CADPS2: variants seen among roughly 807,000 people sequenced by gnomAD.
The protein encoded by CADPS2 is calcium-dependent secretion activator 2.
A neutral mutation model predicts 172.5 loss-of-function variants in CADPS2; 93 were observed. The ratio of observed to expected loss-of-function variants is 0.54; its 90% CI spans 0.46 to 0.64. The LOEUF is 0.64. Ranked by LOEUF, CADPS2 falls within the 30% of genes least tolerant of loss-of-function variation. The pLI is 0.00. For missense variants in CADPS2, 1,420 were observed against 1,565.9 expected, an observed-to-expected ratio of 0.91 and a Z score of 1.57; for synonymous variants, 546 against 555.2, an observed-to-expected ratio of 0.98 and a Z score of 0.23.
At position 122,759,204 on chromosome 7, in the gene CADPS2, T is replaced by A. The variant is rs964511567; in HGVS notation, c.340-22136A>T. Among the ~76,000 whole-genome samples the A allele has an allele frequency of 2.0e-5, 3 of 152,260 alleles. No homozygotes were observed. In the East Asian group the frequency reaches 5.8e-4, roughly 29 times the overall value. On this transcript the variant is annotated intron_variant, in intron 1 of 29. Coordinates refer to ENST00000449022, the MANE Select transcript of CADPS2 (RefSeq NM_017954.11). The stretch of plus-strand genomic sequence containing the variant: ...GCTTGTCTGTTTGGGTTTGTTTACC[T>A]GACTGACATCTTTCAGCACCCACCT...
At chr7:122,669,917 T>G (rs113042149) in intron 2 of CADPS2, among the ~76,000 whole-genome samples, 1,862 of 151,912 alleles carry the variant, frequency 0.012, 41 homozygotes, top group African/African-American at 0.043. Context: ...GATCCCAGTT[T>G]CCATCCTCGA....
chr7:122,464,960 G>A (rs189443528), intron 14 of CADPS2, among the ~76,000 whole-genome samples: 160 of 152,200 alleles, frequency 1.1e-3, no homozygotes, highest in Admixed American at 2.0e-3. Flanking sequence ...TAAGGGAAAC[G>A]GAAATACGAA....
chr7:122,635,403 A>G (rs935988966), intron 3 of CADPS2, among the ~76,000 whole-genome samples: 3 of 151,512 alleles, frequency 2.0e-5, no homozygotes, highest in Non-Finnish European at 2.9e-5. Flanking sequence ...AGCATTAGGT[A>G]TATCTCCTAA....
At chr7:122,757,068 A>G (rs2093194536) in intron 1 of CADPS2, among the ~76,000 whole-genome samples, 1 of 139,304 alleles carries the variant, frequency 7.2e-6, no homozygotes, top group Non-Finnish European at 1.5e-5. Context: ...TATATTACAC[A>G]AAGGTGGGGA....
chr7:122,515,738 T>C (rs1164845238), intron 8 of CADPS2, among the ~76,000 whole-genome samples: 1 of 151,338 alleles, frequency 6.6e-6, no homozygotes, highest in African/African-American at 2.4e-5. Flanking sequence ...GCATAAAGAA[T>C]AATAATCAGC....
intron 1 of CADPS2, among the ~76,000 whole-genome samples, chr7:122,823,781 C>T (rs917027448): frequency 2.6e-5 from 4 of 152,166 alleles, no homozygotes; most frequent in African/African-American, 9.7e-5. Context: ...AACCAAGTAT[C>T]TGGAAGTCTC....
chr7:122,573,883 C>A (rs543892517), intron 7 of CADPS2, among the ~76,000 whole-genome samples: 9 of 152,146 alleles, frequency 5.9e-5, no homozygotes, highest in African/African-American at 1.9e-4. Flanking sequence ...ACTGAACCTG[C>A]AATTTCTTCA....
intron 14 of CADPS2, among the ~76,000 whole-genome samples, chr7:122,469,631 T>C (rs1336402470): frequency 6.6e-6 from 1 of 152,142 alleles, no homozygotes; most frequent in Non-Finnish European, 1.5e-5. Context: ...AAAACCTGAA[T>C]AGACTGTGAG....
At chr7:122,579,210 T>G (rs192673277) in intron 7 of CADPS2, among the ~76,000 whole-genome samples, 55 of 152,096 alleles carry the variant, frequency 3.6e-4, no homozygotes, top group Non-Finnish European at 6.8e-4. Context: ...GGGTTGATTT[T>G]GCACTACCCT....
At chr7:122,762,882 C>T (rs567300528) in intron 1 of CADPS2, among the ~76,000 whole-genome samples, 1 of 152,064 alleles carries the variant, frequency 6.6e-6, no homozygotes, top group Non-Finnish European at 1.5e-5. Context: ...ATATGTTCCA[C>T]CCAAACAATG....
intron 11 of CADPS2, among the ~76,000 whole-genome samples, chr7:122,485,181 TAA>T (rs2057682471): frequency 6.6e-6 from 1 of 152,180 alleles, no homozygotes; most frequent in South Asian, 2.1e-4. Context: ...AAATGATCTC[TAA>T]GTGTTCAAAT....
intron 3 of CADPS2, among the ~76,000 whole-genome samples, chr7:122,655,556 C>T (rs1272174713): frequency 6.6e-6 from 1 of 151,970 alleles, no homozygotes; most frequent in Admixed American, 6.6e-5. Flanking sequence ...TATTATACCC[C>T]TAATAGACCA....
intron 14 of CADPS2, among the ~76,000 whole-genome samples, chr7:122,466,809 A>G (rs1440093864): frequency 2.6e-5 from 4 of 152,272 alleles, no homozygotes; most frequent in Non-Finnish European, 1.5e-5. Context: ...GATTAAAACC[A>G]TTTGCTCAAA....
At chr7:122,366,370 C>T (rs1251901489) in intron 25 of CADPS2, among the ~76,000 whole-genome samples, 5 of 149,818 alleles carry the variant, frequency 3.3e-5, no homozygotes, top group Non-Finnish European at 4.4e-5. Flanking sequence ...TTTGGGAGGC[C>T]GAGGTGGGTG....
chr7:122,698,839 A>G (rs2085574992), intron 2 of CADPS2: 1 of 1,613,672 alleles, frequency 6.2e-7, no homozygotes, highest in South Asian at 1.1e-5. Flanking sequence ...GTTCTGACTA[A>G]CAAGCCAAAG....
At chr7:122,570,410 T>C (rs539585666) in intron 7 of CADPS2, among the ~76,000 whole-genome samples, 12 of 148,160 alleles carry the variant, frequency 8.1e-5, no homozygotes, top group East Asian at 4.0e-4. Flanking sequence ...TGTGGAGAAA[T>C]AGGAACACTT....
intron 17 of CADPS2, chr7:122,427,132 G>GTGTT (rs2049268914): frequency 6.6e-6 from 1 of 151,960 alleles, no homozygotes; most frequent in Non-Finnish European, 1.5e-5. Context: ...GTGTGTGTGT[G>GTGTT]TGTGTGTGTG....
intron 8 of CADPS2, among the ~76,000 whole-genome samples, chr7:122,528,110 AGTGGTGGTGGTGGTGGTGGTGGTG>A (rs71159802): frequency 1.3e-4 from 17 of 130,102 alleles, no homozygotes; most frequent in East Asian, 1.0e-3. Flanking sequence ...TGAAGGCATT[AGTGGTGGTGGTGGTGGTGGTGGTG>A]GTGGTGGTGG....
At chr7:122,877,104 C>A (rs1347807574) in intron 1 of CADPS2, among the ~76,000 whole-genome samples, 1 of 151,840 alleles carries the variant, frequency 6.6e-6, no homozygotes, top group Non-Finnish European at 1.5e-5. Context: ...CCGAGAAATG[C>A]AAATATGCTT....
Sources: allele counts gnomAD v4.1 joint callset (sites outside exome capture counted in the v4.1 genomes callset), GRCh38; gene constraint gnomAD v4.1.1; transcripts MANE v1.5; gene names NCBI Gene and HGNC (gene_info 2026-07-23, HGNC 2026-07-21).